CNTRL: variants seen among roughly 807,000 people sequenced by gnomAD.
CNTRL encodes 110 kDa centrosomal protein.
A neutral mutation model predicts 303.7 loss-of-function variants in CNTRL; 233 were observed. The observed-to-expected ratio is 0.77, with a 90% CI of 0.69 to 0.86. The LOEUF (loss-of-function observed/expected upper bound fraction) is 0.86. Ranked by LOEUF, CNTRL falls within the 40% of genes least tolerant of loss-of-function variation. The pLI is 0.00. For missense variants in CNTRL, 2,524 were observed against 2,650.6 expected, an observed-to-expected ratio of 0.95 and a Z score of 1.05; for synonymous variants, 900 against 922.2, an observed-to-expected ratio of 0.98 and a Z score of 0.44.
intron 11 of CNTRL, among the ~76,000 whole-genome samples, chr9:121,118,072 A>G (rs898988691): frequency 5.3e-5 from 8 of 151,966 alleles, no homozygotes; most frequent in Admixed American, 5.2e-4. Context: ...TATGTTTATT[A>G]TTAATAATTT....
chr9:121,098,494 C>G lies in CNTRL; in HGVS notation c.730C>G (p.Leu244Val), dbSNP rs1242689889. The G allele has an allele frequency of 2.5e-6, 4 of 1,613,826 alleles. No homozygotes were observed. The South Asian group carries it at 4.4e-5, about 18-fold the overall frequency. ...PHYLQFTIFH[L>V]RSLESLEGQP... ...TTACCTCCAGTTTACCATTTTCCACCTCCGTTCATTGGAAAGTTTGGAAGG... is the reference window on the plus strand; with the variant it reads ...TTACCTCCAGTTTACCATTTTCCACGTCCGTTCATTGGAAAGTTTGGAAGG... The change falls in exon 7 of 44, where the codon CTC becomes GTC. Residue 244 changes from leucine (L) to valine (V), a missense_variant. Leu to Val is a conservative substitution (Grantham distance 32). Transcript: ENST00000373855.
At position 121,150,466 on chromosome 9, in the gene CNTRL, C is replaced by G. The variant is rs1427471222; in HGVS notation, c.3946C>G (p.Pro1316Ala). Residue 1316 changes from proline (P) to alanine (A), a missense_variant, in exon 25 of 44, where the codon CCT becomes GCT. Transcript: ENST00000373855. ...TATGGGTGTGCTGCATTGCAACGTC[C>G]CTGAACACCATAACTTAGTAAGTGG... ...IPMGVLHCNV[P>A]EHHNLENEVS... is the part of the protein sequence containing the mutation. The G allele has an allele frequency of 2.5e-6, 4 of 1,614,132 alleles. No individual in the cohort carries two copies. The highest frequency in any genetic ancestry group is 3.4e-6 in the Non-Finnish European group (4 of 1,180,018).
At chr9:121,082,708 A>T (rs1183845715) in intron 2 of CNTRL, among the ~76,000 whole-genome samples, 1 of 152,220 alleles carries the variant, frequency 6.6e-6, no homozygotes, top group Non-Finnish European at 1.5e-5. Context: ...GTGGTGGCTC[A>T]CACTTGTAAT....
chr9:121,139,114 A>G (rs2051360118), intron 16 of CNTRL, among the ~76,000 whole-genome samples: 1 of 152,184 alleles, frequency 6.6e-6, no homozygotes, highest in South Asian at 2.1e-4. Context: ...AATAGTTTTC[A>G]CTACCCTCTT....
chr9:121,131,699 C>T (rs906255435), intron 14 of CNTRL, among the ~76,000 whole-genome samples: 15 of 152,064 alleles, frequency 9.9e-5, no homozygotes, highest in African/African-American at 1.9e-4. Context: ...TTATTTTGTC[C>T]GTTAGTTGAT....
intron 31 of CNTRL, among the ~76,000 whole-genome samples, chr9:121,159,435 C>T (rs866398424): frequency 4.6e-5 from 7 of 152,262 alleles, no homozygotes; most frequent in Middle Eastern, 6.8e-3. Context: ...AGATTGAGAC[C>T]ATCCTGGCCA....
chr9:121,144,488 G>A (rs1265317078), intron 20 of CNTRL, among the ~76,000 whole-genome samples: 2 of 152,188 alleles, frequency 1.3e-5, no homozygotes, highest in African/African-American at 2.4e-5. Flanking sequence ...CTGAGCTAAT[G>A]TCTGTTACTG....
In CNTRL at chr9:121,165,042, A is replaced by G; in HGVS notation, c.5523A>G (p.Leu1841=). The G allele has an allele frequency of 1.2e-6, 2 of 1,608,694 alleles. No individual in the cohort carries two copies. The highest frequency in any genetic ancestry group is 1.7e-6 in the Non-Finnish European group (2 of 1,178,146). The change falls in exon 35 of 44, where the codon CTA becomes CTG. Residue 1841 remains leucine (L), a synonymous_variant. Transcript: ENST00000373855. The part of the protein sequence containing the change: ...VRKLQQELDQ[L]NRDKLSLHND... Reference sequence around the variant, plus strand: ...AACTGCAGCAGGAACTAGACCAACTAAACAGAGACAAGTTGTCACTGCATA... The same window carrying G: ...AACTGCAGCAGGAACTAGACCAACTGAACAGAGACAAGTTGTCACTGCATA...
chr9:121,104,652 G>A (rs2049366918), intron 7 of CNTRL, among the ~76,000 whole-genome samples: 1 of 149,874 alleles, frequency 6.7e-6, no homozygotes, highest in Non-Finnish European at 1.5e-5. Flanking sequence ...CAGGGCCTTG[G>A]AATTTTGATT....
intron 32 of CNTRL, among the ~76,000 whole-genome samples, chr9:121,161,008 T>C (rs1564292924): frequency 1.3e-5 from 2 of 152,086 alleles, no homozygotes; most frequent in African/African-American, 4.8e-5. Context: ...TGGAAACAGA[T>C]GACCAATTTA....
intron 2 of CNTRL, among the ~76,000 whole-genome samples, chr9:121,081,245 ATTATC>A (rs2048129180): frequency 6.6e-6 from 1 of 152,204 alleles, no homozygotes; most frequent in African/African-American, 2.4e-5. Context: ...GTGAAGTTAT[ATTATC>A]TTTTAATAGA....
In CNTRL at chr9:121,164,081, G is replaced by A. The variant is rs546960374; in HGVS notation, c.5424-862G>A. ...GGGTTTCACCATGTTAGCCAGGATG[G>A]TCTCCATCCCCTGACCTCGTGATCC... On this transcript the variant is annotated intron_variant, in intron 34 of 43. Transcript: ENST00000373855. 1.4e-3 allele frequency among the ~76,000 whole-genome samples: 218 copies of A among 152,144 alleles called. 3 individuals carry two copies. The highest frequency in any genetic ancestry group is 0.012 in the South Asian group (60 of 4,824).
chr9:121,125,581 T>G, intron 13 of CNTRL, 135 bp from the exon 14 acceptor site: 1 of 743,056 alleles, frequency 1.3e-6, no homozygotes, highest in South Asian at 1.8e-5. Flanking sequence ...AAATTTAACA[T>G]TATGTTTTGA....
chr9:121,134,665 C>T (rs181875723), intron 14 of CNTRL, among the ~76,000 whole-genome samples: 1 of 152,302 alleles, frequency 6.6e-6, no homozygotes, highest in East Asian at 1.9e-4. Context: ...TGTGTGTGCA[C>T]ATGCGTGTGT....
chr9:121,077,955 A>G (rs1472611340), intron 1 of CNTRL, among the ~76,000 whole-genome samples: 1 of 152,138 alleles, frequency 6.6e-6, no homozygotes, highest in African/African-American at 2.4e-5. Context: ...CAGGGGGGAA[A>G]AAAACGCCAA....
intron 7 of CNTRL, among the ~76,000 whole-genome samples, chr9:121,100,617 A>G (rs1248888929): frequency 6.6e-6 from 1 of 152,240 alleles, no homozygotes; most frequent in Non-Finnish European, 1.5e-5. Flanking sequence ...AGACTGGCAA[A>G]TTGGATAAAG....
At chr9:121,135,738 A>G (rs1588213204) in intron 14 of CNTRL, 68 bp from the exon 15 acceptor site, 1 of 1,435,356 alleles carries the variant, frequency 7.0e-7, no homozygotes, top group East Asian at 2.3e-5. Context: ...CAAGTTACTT[A>G]TAATGCCTTG....
At chr9:121,150,959 A>G (rs1368979696) in intron 25 of CNTRL, among the ~76,000 whole-genome samples, 1 of 152,228 alleles carries the variant, frequency 6.6e-6, no homozygotes, top group African/African-American at 2.4e-5. Flanking sequence ...ACACATACAT[A>G]TATGTATAAT....
At chr9:121,102,692 C>G (rs2049243311) in intron 7 of CNTRL, among the ~76,000 whole-genome samples, 1 of 152,224 alleles carries the variant, frequency 6.6e-6, no homozygotes, top group Admixed American at 6.5e-5. Context: ...TACGCAACTT[C>G]AGCAAACTCT....
Sources: gnomAD v4.1 joint callset for allele counts (sites outside exome capture counted in the v4.1 genomes callset) on GRCh38, gnomAD v4.1.1 for gene constraint, MANE v1.5 for transcripts, NCBI Gene and HGNC (gene_info 2026-07-23, HGNC 2026-07-21) for gene names.